Variants in NRG3 observed in about 807,000 individuals in gnomAD.
NRG3 encodes the protein neuregulin 3, also known as pro-neuregulin-3, membrane-bound isoform.
A neutral mutation model predicts 66.9 loss-of-function variants in NRG3; 31 were observed. The ratio of observed to expected loss-of-function variants is 0.46; its 90% CI spans 0.35 to 0.63. The LOEUF (loss-of-function observed/expected upper bound fraction) is 0.63, where lower values mean the gene tolerates loss of function less well. NRG3 is among the 20% of genes least tolerant of loss of function. The pLI is 0.00. For synonymous variants in NRG3, 393 were observed against 359.4 expected (o/e 1.09, Z -1.06); for missense variants, 910 against 878.9 (o/e 1.04, Z -0.45).
At chr10:82,260,075 C>G (rs140074434) in intron 1 of NRG3, among the ~76,000 whole-genome samples, 1 of 152,324 alleles carries the variant, frequency 6.6e-6, no homozygotes, top group East Asian at 1.9e-4. Flanking sequence ...GCATTCATTT[C>G]TAAGGCTGAA....
At chr10:82,519,829 T>G (rs548073784) in intron 2 of NRG3, among the ~76,000 whole-genome samples, 1 of 152,214 alleles carries the variant, frequency 6.6e-6, no homozygotes, top group African/African-American at 2.4e-5. Context: ...GGGGAAGAAT[T>G]AGTGGCTTGG....
At chr10:82,446,583 G>A (rs546123208) in intron 2 of NRG3, among the ~76,000 whole-genome samples, 2 of 152,106 alleles carry the variant, frequency 1.3e-5, no homozygotes, top group African/African-American at 4.8e-5. Flanking sequence ...GGAGCTGAAC[G>A]ATGCGAACAC....
intron 2 of NRG3, among the ~76,000 whole-genome samples, chr10:82,710,186 G>A (rs983894332): frequency 3.3e-5 from 5 of 152,156 alleles, no homozygotes; most frequent in East Asian, 1.9e-4. Context: ...AGCAAGAAAT[G>A]GAGCTGCCAG....
intron 2 of NRG3, among the ~76,000 whole-genome samples, chr10:82,717,175 A>G (rs1465761376): frequency 6.6e-6 from 1 of 152,176 alleles, no homozygotes; most frequent in East Asian, 1.9e-4. Context: ...ATTGAAATTA[A>G]GTAAGCTTTA....
intron 2 of NRG3, among the ~76,000 whole-genome samples, chr10:82,380,151 G>A (rs1278808131): frequency 1.3e-5 from 2 of 151,904 alleles, no homozygotes; most frequent in African/African-American, 4.8e-5. Context: ...TGTACATGTG[G>A]AGCTTTTTAC....
chr10:82,381,394 A>G (rs2085609251), intron 2 of NRG3, among the ~76,000 whole-genome samples: 1 of 152,178 alleles, frequency 6.6e-6, no homozygotes, highest in South Asian at 2.1e-4. Context: ...TGCTTATTTA[A>G]TCCTTATAAA....
intron 1 of NRG3, among the ~76,000 whole-genome samples, chr10:82,019,859 T>C (rs1397785382): frequency 6.6e-6 from 1 of 152,184 alleles, no homozygotes; most frequent in East Asian, 1.9e-4. Flanking sequence ...TAGCGGTCTA[T>C]CAATTTTGTT....
intron 1 of NRG3, among the ~76,000 whole-genome samples, chr10:82,198,960 G>A (rs2074607353): frequency 6.7e-6 from 1 of 148,344 alleles, no homozygotes; most frequent in Non-Finnish European, 1.5e-5. Context: ...TCACGCCACT[G>A]CACTCCAGCC....
chr10:81,940,345 G>A (rs1848297612), intron 1 of NRG3, among the ~76,000 whole-genome samples: 1 of 151,842 alleles, frequency 6.6e-6, no homozygotes, highest in Admixed American at 6.6e-5. Context: ...GATTATTAAT[G>A]AGTTGTCTTT....
At chr10:82,485,171 G>C (rs1842584916) in intron 2 of NRG3, among the ~76,000 whole-genome samples, 1 of 151,722 alleles carries the variant, frequency 6.6e-6, no homozygotes, top group African/African-American at 2.4e-5. Flanking sequence ...TAGGGCTCAG[G>C]AACTTAACTA....
In NRG3 at chr10:82,630,984, T is replaced by C. The variant is rs573370026; in HGVS notation, c.954-107593T>C. 4.6e-5 allele frequency among the ~76,000 whole-genome samples: 7 copies of C among 152,330 alleles called. No homozygotes were observed. In the South Asian group the frequency reaches 1.4e-3, roughly 32 times the overall value. On this transcript the variant is annotated intron_variant, in intron 2 of 8. Transcript: ENST00000372141. The stretch of plus-strand genomic sequence containing the variant: ...AGTGTGAATATAATTAAAGTTTTAA[T>C]ATACAATGTTGCAATAAGTTTTCCA...
chr10:82,530,501 A>G (rs1396053057), intron 2 of NRG3, among the ~76,000 whole-genome samples: 1 of 151,996 alleles, frequency 6.6e-6, no homozygotes, highest in Non-Finnish European at 1.5e-5. Flanking sequence ...GCTTTTACAT[A>G]AATACTTGGC....
chr10:82,308,785 G>C (rs1293058744), intron 1 of NRG3, among the ~76,000 whole-genome samples: 1 of 152,086 alleles, frequency 6.6e-6, no homozygotes, highest in Non-Finnish European at 1.5e-5. Flanking sequence ...TCTTTTCTCA[G>C]CTCTCTGGGA....
intron 2 of NRG3, among the ~76,000 whole-genome samples, chr10:82,632,422 C>A (rs185763060): frequency 1.3e-5 from 2 of 152,250 alleles, no homozygotes; most frequent in Admixed American, 6.5e-5. Context: ...TGGAGTGCTT[C>A]TTTTTATTTC....
intron 1 of NRG3, among the ~76,000 whole-genome samples, chr10:81,902,944 A>G (rs767646963): frequency 5.9e-5 from 9 of 152,208 alleles, no homozygotes; most frequent in African/African-American, 2.2e-4. Context: ...TGTAAACAAC[A>G]TCTCACTCAG....
intron 1 of NRG3, among the ~76,000 whole-genome samples, chr10:82,267,363 C>T (rs145574995): frequency 4.7e-4 from 71 of 152,300 alleles, no homozygotes; most frequent in African/African-American, 1.7e-3. Context: ...GTATCCATAA[C>T]ACACACAGGC....
intron 2 of NRG3, among the ~76,000 whole-genome samples, chr10:82,592,231 C>T (rs982649948): frequency 6.6e-6 from 1 of 152,162 alleles, no homozygotes; most frequent in African/African-American, 2.4e-5. Context: ...GGGGTTCTCT[C>T]CACATTTATT....
intron 2 of NRG3, among the ~76,000 whole-genome samples, chr10:82,550,821 C>T (rs1261883215): frequency 1.3e-5 from 2 of 152,078 alleles, no homozygotes; most frequent in Non-Finnish European, 2.9e-5. Context: ...AGGATGCTAA[C>T]ATTCTATATC....
At chr10:82,061,115 G>A (rs1350353117) in intron 1 of NRG3, among the ~76,000 whole-genome samples, 5 of 152,202 alleles carry the variant, frequency 3.3e-5, no homozygotes, top group African/African-American at 1.2e-4. Context: ...CACTTTGGGA[G>A]GCAGAGGCGG....
Sources: gnomAD v4.1 joint callset for allele counts (sites outside exome capture counted in the v4.1 genomes callset) on GRCh38, gnomAD v4.1.1 for gene constraint, MANE v1.5 for transcripts, NCBI Gene and HGNC (gene_info 2026-07-23, HGNC 2026-07-21) for gene names.